Variants in NSD2 observed in about 807,000 individuals in gnomAD.
NSD2 encodes the protein nuclear receptor binding SET domain protein 2, also known as histone-lysine N-methyltransferase NSD2.
In NSD2, 12 loss-of-function variants were observed where a neutral mutation model predicts 139.0. That is an observed-to-expected ratio of 0.09 (90% CI 0.06 to 0.14). The LOEUF (loss-of-function observed/expected upper bound fraction) is 0.14. NSD2 is among the 10% of genes least tolerant of loss of function. The pLI is 1.00. For synonymous variants in NSD2, 669 were observed against 648.7 expected (o/e 1.03, Z -0.48); for missense variants, 1,155 against 1,745.0 (o/e 0.66, Z 6.02).
At chr4:1,931,380 A>G (rs1721614365) in intron 6 of NSD2, among the ~76,000 whole-genome samples, 1 of 152,206 alleles carries the variant, frequency 6.6e-6, no homozygotes, top group African/African-American at 2.4e-5. Context: ...GGGCAGTGGC[A>G]AGAGGAGGGA....
At position 1,918,248 on chromosome 4, in the gene NSD2, C is replaced by A; in HGVS notation, c.1035C>A (p.Thr345=). ...MSVEERKAKF[T]FLYVGDQLHL... is the part of the protein sequence containing the mutation. ...TGGAGGAGCGGAAAGCCAAGTTCACCTTTCTCTATGTGGGGGACCAGCTTC... is the reference window on the plus strand; with the variant it reads ...TGGAGGAGCGGAAAGCCAAGTTCACATTTCTCTATGTGGGGGACCAGCTTC... Residue 345 remains threonine, a synonymous_variant, in exon 5 of 22, where the codon ACC becomes ACA. Transcript: ENST00000508803. 6.2e-7 allele frequency: 1 copy of A among 1,613,822 alleles called. No homozygotes were observed. The highest frequency in any genetic ancestry group is 1.7e-4 in the Middle Eastern group (1 of 6,058).
intron 20 of NSD2, 136 bp downstream of exon 20, chr4:1,975,536 G>A (rs990363513): frequency 4.3e-6 from 3 of 703,658 alleles, no homozygotes; most frequent in Non-Finnish European, 7.3e-6. Flanking sequence ...GTTCCCTGCT[G>A]TGGGCTGGGG....
chr4:1,943,094 A>T (rs571903273), intron 9 of NSD2: 2 of 1,048,176 alleles, frequency 1.9e-6, no homozygotes, highest in South Asian at 9.2e-5. Flanking sequence ...AGTTGCTTCT[A>T]TAGAGCATCA....
chr4:1,934,878 A>AAATAT (rs1560695042), intron 6 of NSD2, among the ~76,000 whole-genome samples: 1 of 22,060 alleles, frequency 4.5e-5, no homozygotes, highest in African/African-American at 2.1e-4. Context: ...AAAAAAAAAA[A>AAATAT]ATATATATAT....
Position 1,904,115 on chromosome 4 carries a change from T to A in NSD2, c.598-101T>A, listed in dbSNP as rs958243689. The A allele has an allele frequency of 2.3e-6, 3 of 1,301,082 alleles. No individual in the cohort carries two copies. In the African/African-American group the frequency reaches 4.5e-5, roughly 19 times the overall value. 80.6% of individuals were successfully genotyped at this position (1,301,082 alleles called of 1,614,324 possible). A position where few individuals can be genotyped will look rare whatever the true frequency, so the allele number is the denominator to read the frequency against. On this transcript the variant is annotated intron_variant, in intron 2 of 21. Coordinates refer to ENST00000508803, the MANE Select transcript of NSD2 (RefSeq NM_001042424.3). ...GGAGCACACTCCATTTTTGGGGGTC[T>A]GTGTGTATTTGGACATTGTAGCCTG... is the stretch of plus-strand genomic sequence containing the variant.
chr4:1,886,252 GC>G (rs1008931336), intron 1 of NSD2, among the ~76,000 whole-genome samples: 49 of 152,234 alleles, frequency 3.2e-4, no homozygotes, highest in African/African-American at 1.2e-3. Flanking sequence ...TGTGGCCAGG[GC>G]TGGAGTGTGG....
intron 3 of NSD2, among the ~76,000 whole-genome samples, chr4:1,910,939 CT>C (rs1718580646): frequency 6.6e-6 from 1 of 152,062 alleles, no homozygotes; most frequent in South Asian, 2.1e-4. Flanking sequence ...GACTTTGCTC[CT>C]GTGCTCCATT....
intron 1 of NSD2, among the ~76,000 whole-genome samples, chr4:1,879,259 C>T (rs1020579993): frequency 6.6e-6 from 1 of 152,108 alleles, no homozygotes; most frequent in African/African-American, 2.4e-5. Context: ...CGCTCTGTCA[C>T]CCAGGCTGGA....
intron 1 of NSD2, among the ~76,000 whole-genome samples, chr4:1,891,739 TC>T (rs955433119): frequency 3.2e-4 from 49 of 150,866 alleles, no homozygotes; most frequent in Admixed American, 1.7e-3. Flanking sequence ...CACCTGTAGT[TC>T]CAGCTACTCG....
chr4:1,916,069 A>G (rs912599809), intron 3 of NSD2, among the ~76,000 whole-genome samples: 1 of 152,072 alleles, frequency 6.6e-6, no homozygotes, highest in Non-Finnish European at 1.5e-5. Context: ...GAGTAAGACT[A>G]GTGGGCATCT....
intron 1 of NSD2, among the ~76,000 whole-genome samples, 161 bp downstream of exon 1, chr4:1,871,703 C>T (rs1022896011): frequency 1.3e-5 from 2 of 148,544 alleles, no homozygotes; most frequent in African/African-American, 4.9e-5. Flanking sequence ...GCCTGAGGGG[C>T]CGGCTCAGGG....
intron 1 of NSD2, among the ~76,000 whole-genome samples, chr4:1,888,155 G>C (rs1715255107): frequency 6.6e-6 from 1 of 152,144 alleles, no homozygotes; most frequent in South Asian, 2.1e-4. Flanking sequence ...GCTCACGCCT[G>C]TAATCCCAGC....
Position 1,974,988 on chromosome 4 carries a change from C to G in NSD2, c.3498C>G (p.Val1166=). 6.2e-7 allele frequency: 1 copy of G among 1,614,170 alleles called. No individual in the cohort carries two copies. ...ACACTCGTGTGGGCCTGTTTGCCGTCTGTGACATTCCTGCAGGTACAAGCT... is the reference window on the plus strand; with the variant it reads ...ACACTCGTGTGGGCCTGTTTGCCGTGTGTGACATTCCTGCAGGTACAAGCT... ...NGDTRVGLFA[V]CDIPAGTELT... is the part of the protein sequence containing the mutation. Residue 1166 remains valine (V), a synonymous_variant, in exon 19 of 22, where the codon GTC becomes GTG. Transcript: ENST00000508803. This position sits in a 1 kb window ranked among gnomAD's most constrained non-coding sequence, Gnocchi z 4.0.
At chr4:1,923,229 C>CTG (rs1379415628) in intron 5 of NSD2, among the ~76,000 whole-genome samples, 1 of 150,776 alleles carries the variant, frequency 6.6e-6, no homozygotes, top group African/African-American at 2.4e-5. Flanking sequence ...TGACTCACGC[C>CTG]TGTAATCCCA....
At position 1,935,235 on chromosome 4, in the gene NSD2, C is replaced by T; in HGVS notation, c.1647C>T (p.Leu549=). ...AEAEDTPRKR[L]RTDKHSLRKR... ...CTGAGGACACACCCAGGAAAAGACT[C>T]AGGACGGACAAGCACAGTCTTCGGA... Residue 549 remains leucine, a synonymous_variant, in exon 7 of 22, where the codon CTC becomes CTT. Coordinates refer to ENST00000508803, the MANE Select transcript of NSD2 (RefSeq NM_001042424.3). 1 of 1,613,304 alleles carries T rather than the reference C, an allele frequency of 6.2e-7. No homozygotes were observed. Among genetic ancestry groups the T allele is most frequent in the South Asian group, 1.1e-5 (1 of 90,972 alleles).
chr4:1,912,511 G>C (rs188774715), intron 3 of NSD2, among the ~76,000 whole-genome samples: 2 of 151,762 alleles, frequency 1.3e-5, no homozygotes, highest in Non-Finnish European at 2.9e-5. Flanking sequence ...CATACACTAT[G>C]TTGTCCATAC....
chr4:1,876,939 C>T (rs1430773706), intron 1 of NSD2, among the ~76,000 whole-genome samples: 1 of 151,938 alleles, frequency 6.6e-6, no homozygotes, highest in African/African-American at 2.4e-5. Flanking sequence ...AGTTCGAGAC[C>T]AGCCTGGGAA....
In NSD2 at chr4:1,938,549, C is replaced by T. The variant is rs1208720112; in HGVS notation, c.1756+17C>T. ...GCCAGGCAGGTAATGTGGTCAGCGC[C>T]CTTTCCTTCTTGGCTTCTGGGTGCC... On this transcript the variant is annotated intron_variant, in intron 8 of 21. Transcript: ENST00000508803. 1 of 1,602,020 alleles carries T rather than the reference C, an allele frequency of 6.2e-7. No individual in the cohort carries two copies. Among genetic ancestry groups the T allele is most frequent in the Non-Finnish European group, 8.5e-7 (1 of 1,173,962 alleles).
intron 9 of NSD2, chr4:1,945,357 G>A: frequency 3.8e-6 from 4 of 1,065,478 alleles, no homozygotes; most frequent in Non-Finnish European, 4.6e-6. Context: ...TGCTGCTCCT[G>A]TGCTGCCCTG....
Sources: gnomAD v4.1 joint callset for allele counts (sites outside exome capture counted in the v4.1 genomes callset) on GRCh38, gnomAD v4.1.1 for gene constraint, Gnocchi (gnomAD v3.1) non-coding constraint, MANE v1.5 for transcripts, NCBI Gene and HGNC (gene_info 2026-07-23, HGNC 2026-07-21) for gene names.